COL25A1: variants seen among roughly 807,000 people sequenced by gnomAD.
COL25A1 encodes collagen alpha-1(XXV) chain.
COL25A1 carries 103 observed loss-of-function variants against 128.4 expected under a neutral mutation model. The ratio of observed to expected loss-of-function variants is 0.80; its 90% CI spans 0.68 to 0.94. The LOEUF (loss-of-function observed/expected upper bound fraction) is 0.94, where lower values mean the gene tolerates loss of function less well. Ranked by LOEUF, COL25A1 falls within the 40% of genes least tolerant of loss-of-function variation. The probability of loss-of-function intolerance (pLI) is 0.00; values close to 1 mark genes in which losing one functional copy is unlikely to be tolerated. For missense variants in COL25A1, 745 were observed against 840.0 expected (o/e 0.89, Z 1.40); for synonymous variants, 279 against 277.2 (o/e 1.01, Z -0.06).
At chr4:108,943,384 C>A (rs1748365475) in intron 8 of COL25A1, among the ~76,000 whole-genome samples, 1 of 152,124 alleles carries the variant, frequency 6.6e-6, no homozygotes, top group Admixed American at 6.6e-5. Context: ...ACTTATTCCC[C>A]AGAATAAACA....
intron 3 of COL25A1, among the ~76,000 whole-genome samples, chr4:109,124,424 T>C (rs1351087828): frequency 6.6e-6 from 1 of 152,066 alleles, no homozygotes; most frequent in Non-Finnish European, 1.5e-5. Flanking sequence ...TGTGAAATTT[T>C]CCATTCTGGC....
At chr4:109,159,003 T>C (rs1308158262) in intron 3 of COL25A1, among the ~76,000 whole-genome samples, 1 of 152,146 alleles carries the variant, frequency 6.6e-6, no homozygotes, top group East Asian at 1.9e-4. Flanking sequence ...TTACGTAGTA[T>C]GTATTTTATT....
intron 24 of COL25A1, among the ~76,000 whole-genome samples, chr4:108,859,303 T>C (rs1356351064): frequency 1.3e-5 from 2 of 152,138 alleles, no homozygotes; most frequent in Admixed American, 6.6e-5. Flanking sequence ...GAGATTTGAA[T>C]GCAAGCAGCT....
chr4:109,159,122 T>A (rs951221114), intron 3 of COL25A1, among the ~76,000 whole-genome samples: 4 of 151,772 alleles, frequency 2.6e-5, no homozygotes, highest in African/African-American at 4.8e-5. Context: ...ATGCTAAAAA[T>A]TTTTTATAAT....
rs541405957 is a variant in COL25A1, at chr4:109,152,160, T to C, written c.368-101981A>G. Among the ~76,000 whole-genome samples the C allele has an allele frequency of 6.6e-5, 10 of 151,888 alleles. No homozygotes were observed. The South Asian group carries it at 2.1e-3, about 32-fold the overall frequency. ...GAAGACAGACTCTTACTTTCAAGTGTATGTATTATGGAAAAAACAATCTCA... is the reference window on the plus strand; with the variant it reads ...GAAGACAGACTCTTACTTTCAAGTGCATGTATTATGGAAAAAACAATCTCA... On this transcript the variant is annotated intron_variant, in intron 3 of 37. Coordinates refer to ENST00000399132, the MANE Select transcript of COL25A1 (RefSeq NM_198721.4).
chr4:108,859,589 C>A, intron 24 of COL25A1, 67 bp downstream of exon 24: 1 of 1,361,550 alleles, frequency 7.3e-7, no homozygotes. Context: ...CTCATATTTG[C>A]ACACATTACA....
intron 3 of COL25A1, among the ~76,000 whole-genome samples, chr4:109,172,491 T>C (rs929100997): frequency 2.6e-5 from 4 of 152,178 alleles, no homozygotes; most frequent in Non-Finnish European, 5.9e-5. Flanking sequence ...GACCACAATC[T>C]GATCCTTCTT....
chr4:109,269,140 A>T (rs1241194385), intron 3 of COL25A1, among the ~76,000 whole-genome samples: 1 of 136,600 alleles, frequency 7.3e-6, no homozygotes, highest in African/African-American at 2.8e-5. Flanking sequence ...TGTCTATGTG[A>T]TCTCATTGTT....
At chr4:108,934,941 C>T (rs1034008342) in intron 11 of COL25A1, among the ~76,000 whole-genome samples, 4 of 152,084 alleles carry the variant, frequency 2.6e-5, no homozygotes, top group Non-Finnish European at 2.9e-5. Flanking sequence ...TTTTAAAGTG[C>T]TTTCCCCTAA....
At chr4:109,140,094 C>T (rs1208659626) in intron 3 of COL25A1, among the ~76,000 whole-genome samples, 1 of 152,134 alleles carries the variant, frequency 6.6e-6, no homozygotes, top group Non-Finnish European at 1.5e-5. Context: ...TGGGTTGGTT[C>T]CAAGTCTTTG....
At chr4:108,967,479 G>A (rs958802101) in intron 8 of COL25A1, among the ~76,000 whole-genome samples, 4 of 152,160 alleles carry the variant, frequency 2.6e-5, no homozygotes, top group Middle Eastern at 3.4e-3. Context: ...TATGAAATAT[G>A]GGAAGAAAAA....
chr4:108,951,122 C>T (rs1328122601), intron 8 of COL25A1, among the ~76,000 whole-genome samples: 1 of 152,148 alleles, frequency 6.6e-6, no homozygotes, highest in Non-Finnish European at 1.5e-5. Context: ...TGTGGTGAAG[C>T]ACACACATTT....
intron 13 of COL25A1, among the ~76,000 whole-genome samples, chr4:108,912,969 C>T (rs934686556): frequency 5.3e-5 from 8 of 152,024 alleles, no homozygotes; most frequent in African/African-American, 1.9e-4. Flanking sequence ...TCATAGTTGA[C>T]ACACTAATAT....
At chr4:109,032,576 G>T (rs1224618501) in intron 5 of COL25A1, among the ~76,000 whole-genome samples, 1 of 152,172 alleles carries the variant, frequency 6.6e-6, no homozygotes, top group Non-Finnish European at 1.5e-5. Flanking sequence ...TTTATAATGA[G>T]AAATCAACCA....
chr4:108,821,011 ATACT>A (rs1339569760), intron 35 of COL25A1, among the ~76,000 whole-genome samples: 1 of 152,208 alleles, frequency 6.6e-6, no homozygotes, highest in African/African-American at 2.4e-5. Context: ...TATACAATAC[ATACT>A]TAAATAAATG....
chr4:109,284,079 C>T (rs1272648143), intron 3 of COL25A1, among the ~76,000 whole-genome samples: 1 of 152,202 alleles, frequency 6.6e-6, no homozygotes, highest in Non-Finnish European at 1.5e-5. Context: ...TAATGTATCT[C>T]TGATTTATTT....
intron 3 of COL25A1, among the ~76,000 whole-genome samples, chr4:109,205,342 G>T (rs975660783): frequency 6.6e-6 from 1 of 151,958 alleles, no homozygotes; most frequent in African/African-American, 2.4e-5. Flanking sequence ...TTTTAGCTGG[G>T]CATATGGCTG....
chr4:108,953,073 T>C (rs1749652787), intron 8 of COL25A1, among the ~76,000 whole-genome samples: 1 of 152,118 alleles, frequency 6.6e-6, no homozygotes, highest in South Asian at 2.1e-4. Flanking sequence ...CATCCTGTAC[T>C]TCCTTGTATA....
At chr4:109,207,771 T>A (rs1777132132) in intron 3 of COL25A1, among the ~76,000 whole-genome samples, 1 of 152,036 alleles carries the variant, frequency 6.6e-6, no homozygotes, top group Non-Finnish European at 1.5e-5. Context: ...TGCTGAAAAG[T>A]CAGAAACAAA....
Sources: allele counts gnomAD v4.1 joint callset (sites outside exome capture counted in the v4.1 genomes callset), GRCh38; gene constraint gnomAD v4.1.1; transcripts MANE v1.5; gene names NCBI Gene and HGNC (gene_info 2026-07-23, HGNC 2026-07-21).